Variants in UBE2W observed in about 807,000 individuals in gnomAD.
UBE2W encodes the protein ubiquitin-conjugating enzyme E2 W.
A neutral mutation model predicts 27.2 loss-of-function variants in UBE2W; 18 were observed. That is an observed-to-expected ratio of 0.66 (90% CI 0.46 to 0.98). UBE2W has a LOEUF of 0.98. Among genes scored for constraint, UBE2W ranks in the 50% least tolerant of loss-of-function variants. The pLI, the probability that UBE2W is intolerant of heterozygous loss-of-function variation, is 0.00. For synonymous variants in UBE2W, 53 were observed against 57.2 expected (o/e 0.93, Z 0.33); for missense variants, 90 against 180.2 (o/e 0.50, Z 2.87).
At chr8:73,874,362 T>C (rs953555017) in intron 1 of UBE2W, among the ~76,000 whole-genome samples, 21 of 152,178 alleles carry the variant, frequency 1.4e-4, no homozygotes, top group African/African-American at 4.8e-4. Flanking sequence ...AGCCCGGGGA[T>C]TGGAGCCTGC....
At chr8:73,804,438 T>A (rs2130861989) in intron 5 of UBE2W, among the ~76,000 whole-genome samples, 1 of 151,898 alleles carries the variant, frequency 6.6e-6, no homozygotes, top group East Asian at 1.9e-4. Context: ...AGGGAAGCAT[T>A]AAGGTTAGTT....
intron 1 of UBE2W, among the ~76,000 whole-genome samples, chr8:73,846,286 C>T (rs1334942798): frequency 7.2e-5 from 11 of 152,100 alleles, no homozygotes; most frequent in Non-Finnish European, 1.2e-4. Flanking sequence ...GTCCCAGCTA[C>T]TCAGGAGGCT....
intron 1 of UBE2W, among the ~76,000 whole-genome samples, chr8:73,866,159 T>C (rs373381499): frequency 6.7e-6 from 1 of 150,210 alleles, no homozygotes; most frequent in Admixed American, 6.7e-5. Flanking sequence ...TAATCCCAGC[T>C]ATTCGGGAGG....
Position 73,844,174 on chromosome 8 carries a change from C to T in UBE2W, c.16-13702G>A, listed in dbSNP as rs2623311. Reference sequence around the variant, plus strand: ...AGCTAATTCCCCTCCCCCTCCCCCTCTGCACGGACTCCCTCTGATGCCAAG... The same window carrying T: ...AGCTAATTCCCCTCCCCCTCCCCCTTTGCACGGACTCCCTCTGATGCCAAG... On this transcript the variant is annotated intron_variant, in intron 1 of 5. Transcript: ENST00000602593. 5.9e-4 allele frequency among the ~76,000 whole-genome samples: 82 copies of T among 137,980 alleles called. 1 individual carries two copies. Among genetic ancestry groups the T allele is most frequent in the Middle Eastern group, 3.5e-3 (1 of 286 alleles). The allele number at this position is 137,980 out of a possible 152,430, so 90.5% of individuals were successfully genotyped here.
At position 73,788,497 on chromosome 8, in the gene UBE2W, T is replaced by C; in HGVS notation, c.*5605A>G. 1.0e-6 allele frequency: 1 copy of C among 985,470 alleles called. No individual in the cohort carries two copies. The highest frequency in any genetic ancestry group is 1.2e-6 in the Non-Finnish European group (1 of 829,936). The allele number at this position is 985,470 out of a possible 1,614,324, so 61.0% of individuals were successfully genotyped here. On this transcript the variant is annotated 3_prime_UTR_variant, in exon 6 of 6. Coordinates refer to ENST00000602593, the MANE Select transcript of UBE2W (RefSeq NM_018299.6). Reference sequence around the variant, plus strand: ...CCAATAATCCATTTTACCTTGAACCTGACCACCAATTTGCCTTTACATAAA... The same window carrying C: ...CCAATAATCCATTTTACCTTGAACCCGACCACCAATTTGCCTTTACATAAA...
intron 1 of UBE2W, among the ~76,000 whole-genome samples, chr8:73,878,442 G>A (rs1406975252): frequency 6.6e-6 from 1 of 152,200 alleles, no homozygotes; most frequent in Non-Finnish European, 1.5e-5. Flanking sequence ...TCGGGCCAGG[G>A]ACAGCGGGGG....
chr8:73,833,761 G>T (rs1334119266), intron 1 of UBE2W: 1 of 152,094 alleles, frequency 6.6e-6, no homozygotes, highest in Admixed American at 6.6e-5. Context: ...GTCTTAATAT[G>T]ACTTTTTTTT....
chr8:73,804,629 C>T (rs1405965947), intron 5 of UBE2W, among the ~76,000 whole-genome samples: 1 of 151,826 alleles, frequency 6.6e-6, no homozygotes, highest in Non-Finnish European at 1.5e-5. Context: ...ACTGTGACTC[C>T]CGCCTCCTCC....
At chr8:73,848,137 G>T (rs1184277273) in intron 1 of UBE2W, among the ~76,000 whole-genome samples, 1 of 152,100 alleles carries the variant, frequency 6.6e-6, no homozygotes, top group Non-Finnish European at 1.5e-5. Flanking sequence ...GGAGGCCAAG[G>T]TTGCAGTGAG....
At chr8:73,784,610 G>A (rs993616858), downstream of UBE2W, among the ~76,000 whole-genome samples, 1 of 152,282 alleles carries the variant, frequency 6.6e-6, no homozygotes, top group Admixed American at 6.5e-5. Flanking sequence ...CATCTCCTGA[G>A]GACACTGCCA....
intron 1 of UBE2W, among the ~76,000 whole-genome samples, chr8:73,851,194 CTTTTT>C (rs71561537): frequency 6.8e-6 from 1 of 146,534 alleles, no homozygotes; most frequent in Non-Finnish European, 1.5e-5. Context: ...GTTTCATTAT[CTTTTT>C]TTTTTTTTGA....
chr8:73,814,610 C>T (rs1450173289), intron 3 of UBE2W, among the ~76,000 whole-genome samples: 2 of 152,160 alleles, frequency 1.3e-5, no homozygotes, highest in African/African-American at 4.8e-5. Context: ...GCTCCATCTC[C>T]TGGGTTCATA....
chr8:73,869,229 C>A (rs1811898029), intron 1 of UBE2W, among the ~76,000 whole-genome samples: 1 of 152,164 alleles, frequency 6.6e-6, no homozygotes, highest in African/African-American at 2.4e-5. Flanking sequence ...GTTTCAAGAT[C>A]AGCCTCGGCA....
chr8:73,856,227 C>T (rs1278835116), intron 1 of UBE2W, among the ~76,000 whole-genome samples: 2 of 152,006 alleles, frequency 1.3e-5, no homozygotes, highest in East Asian at 3.8e-4. Flanking sequence ...TGTATCTTGT[C>T]CTAAGTAAAT....
intron 1 of UBE2W, among the ~76,000 whole-genome samples, chr8:73,858,442 C>T (rs1811396044): frequency 6.7e-6 from 1 of 149,064 alleles, no homozygotes; most frequent in Non-Finnish European, 1.5e-5. Flanking sequence ...ATGAAAAGTA[C>T]AAATACTGAC....
intron 1 of UBE2W, among the ~76,000 whole-genome samples, chr8:73,844,499 A>G (rs1221444664): frequency 6.6e-6 from 1 of 151,568 alleles, no homozygotes; most frequent in East Asian, 1.9e-4. Context: ...GCTCACTACA[A>G]CCTCTACCTC....
chr8:73,791,643 GTAAC>G lies in UBE2W; in HGVS notation c.*2455_*2458del, dbSNP rs1004415702. 5.2e-5 allele frequency: 51 copies of G among 984,730 alleles called. No homozygotes were observed. Among genetic ancestry groups the G allele is most frequent in the African/African-American group, 2.6e-4 (15 of 57,322 alleles). The allele number at this position is 984,730 out of a possible 1,614,324, so 61.0% of individuals were successfully genotyped here. On this transcript the variant is annotated 3_prime_UTR_variant, in exon 6 of 6. Coordinates refer to ENST00000602593, the MANE Select transcript of UBE2W (RefSeq NM_018299.6). ...TAAATGCCTTATGACTTTTAATAAT[GTAAC>G]TAACATATAAATTAAATCTAAGTGC... is the stretch of plus-strand genomic sequence containing the variant.
At chr8:73,832,741 C>T (rs1810126983) in intron 1 of UBE2W, among the ~76,000 whole-genome samples, 1 of 152,182 alleles carries the variant, frequency 6.6e-6, no homozygotes, top group Admixed American at 6.5e-5. Flanking sequence ...ATGAACATTA[C>T]CTTTGAGTGT....
At position 73,832,130 on chromosome 8, in the gene UBE2W, T is replaced by A. The variant is rs185924817; in HGVS notation, c.16-1658A>T. 7.4e-3 allele frequency among the ~76,000 whole-genome samples: 1,049 copies of A among 141,590 alleles called. 5 individuals are homozygous for A. The highest frequency in any genetic ancestry group is 0.017 in the African/African-American group (586 of 34,648). The allele number at this position is 141,590 out of a possible 152,430, so 92.9% of individuals were successfully genotyped here. On this transcript the variant is annotated intron_variant, in intron 1 of 5. Coordinates refer to ENST00000602593, the MANE Select transcript of UBE2W (RefSeq NM_018299.6). ...TACAAAAACAAACAAACAAAAAAAA[T>A]AAATAAATATATATATATATATTAG...
Sources: allele counts gnomAD v4.1 joint callset (sites outside exome capture counted in the v4.1 genomes callset), GRCh38; gene constraint gnomAD v4.1.1; transcripts MANE v1.5; gene names NCBI Gene and HGNC (gene_info 2026-07-23, HGNC 2026-07-21).